DOCK3: variants seen among roughly 807,000 people sequenced by gnomAD.
DOCK3 encodes the protein dedicator of cytokinesis protein 3.
In DOCK3, 60 loss-of-function variants were observed where a neutral mutation model predicts 265.6. The observed-to-expected ratio is 0.23, with a 90% CI of 0.18 to 0.28. The LOEUF (loss-of-function observed/expected upper bound fraction) is 0.28, where lower values mean the gene tolerates loss of function less well. Ranked by LOEUF, DOCK3 falls within the 10% of genes least tolerant of loss-of-function variation. DOCK3 has a pLI of 1.00. For missense variants in DOCK3, 1,981 were observed against 2,594.3 expected (o/e 0.76, Z 5.14); for synonymous variants, 881 against 938.0 (o/e 0.94, Z 1.11).
chr3:51,092,358 T>A (rs2082671291), intron 9 of DOCK3, among the ~76,000 whole-genome samples: 1 of 152,106 alleles, frequency 6.6e-6, no homozygotes, highest in South Asian at 2.1e-4. Flanking sequence ...TACTGAGGCT[T>A]GAGTAGGTGG....
At chr3:50,917,869 C>A (rs1425468995) in intron 4 of DOCK3, among the ~76,000 whole-genome samples, 4 of 152,028 alleles carry the variant, frequency 2.6e-5, no homozygotes, top group Admixed American at 1.3e-4. Context: ...ATTAACTCAT[C>A]ATTTACATTA....
intron 40 of DOCK3, among the ~76,000 whole-genome samples, chr3:51,351,527 T>G (rs1485983582): frequency 6.6e-6 from 1 of 152,184 alleles, no homozygotes; most frequent in East Asian, 1.9e-4. Flanking sequence ...GGAAAAACGA[T>G]CTGTGTGAGC....
chr3:50,956,931 C>T (rs1333296544), intron 5 of DOCK3, among the ~76,000 whole-genome samples: 2 of 152,098 alleles, frequency 1.3e-5, no homozygotes, highest in Admixed American at 6.5e-5. Flanking sequence ...GACGCCATTT[C>T]GGCTCACTGC....
intron 1 of DOCK3, among the ~76,000 whole-genome samples, chr3:50,741,903 T>C (rs1480626212): frequency 6.6e-6 from 1 of 152,114 alleles, no homozygotes; most frequent in Non-Finnish European, 1.5e-5. Context: ...AGTGTAAAAG[T>C]GTTCCTATTT....
chr3:51,015,993 TAATATATATATCATATATTTCTAC>T (rs2079184902), intron 5 of DOCK3, among the ~76,000 whole-genome samples: 1 of 12,458 alleles, frequency 8.0e-5, no homozygotes, highest in Non-Finnish European at 1.2e-4. Context: ...TATTTCTACA[TAATATATATATCATATATTTCTAC>T]ATAATATATA....
chr3:51,350,065 G>T (rs574725894), intron 39 of DOCK3, among the ~76,000 whole-genome samples: 19 of 152,304 alleles, frequency 1.2e-4, no homozygotes, highest in Non-Finnish European at 2.1e-4. Context: ...CAGTGGGCAG[G>T]CCTGTCCCCA....
chr3:51,173,216 G>A (rs934543666), intron 12 of DOCK3, among the ~76,000 whole-genome samples: 1 of 152,136 alleles, frequency 6.6e-6, no homozygotes, highest in African/African-American at 2.4e-5. Context: ...GACCTCCTGG[G>A]TTCAAGTGAT....
intron 35 of DOCK3, among the ~76,000 whole-genome samples, chr3:51,336,308 G>A (rs2084868409): frequency 6.6e-6 from 1 of 151,550 alleles, no homozygotes; most frequent in Non-Finnish European, 1.5e-5. Context: ...TATTTCCCAG[G>A]TTAGGAAGCA....
intron 1 of DOCK3, among the ~76,000 whole-genome samples, chr3:50,699,450 G>A: frequency 9.9e-6 from 1 of 101,504 alleles, no homozygotes; most frequent in East Asian, 3.2e-4. Context: ...AATGTTGTTG[G>A]GCATTTTTTT....
At chr3:50,924,433 G>A (rs1468128506) in intron 4 of DOCK3, among the ~76,000 whole-genome samples, 2 of 152,212 alleles carry the variant, frequency 1.3e-5, no homozygotes, top group Non-Finnish European at 2.9e-5. Context: ...TAATCTGTGA[G>A]TGTCAGCTCC....
At chr3:50,685,003 A>G (rs116736602) in intron 1 of DOCK3, among the ~76,000 whole-genome samples, 13 of 151,676 alleles carry the variant, frequency 8.6e-5, no homozygotes, top group Admixed American at 2.0e-4. Context: ...CCCTTTCAAC[A>G]TATTGTCATA....
chr3:51,115,103 A>G (rs2083677400), intron 9 of DOCK3, among the ~76,000 whole-genome samples: 1 of 152,162 alleles, frequency 6.6e-6, no homozygotes, highest in South Asian at 2.1e-4. Flanking sequence ...TGCAATAAAC[A>G]TATGTGTGCA....
intron 26 of DOCK3, among the ~76,000 whole-genome samples, chr3:51,279,371 C>A (rs549328135): frequency 2.0e-5 from 3 of 152,288 alleles, no homozygotes; most frequent in African/African-American, 7.2e-5. Flanking sequence ...AGTAAATGTT[C>A]TCCCTCCCTT....
chr3:50,971,943 C>T (rs1182548726), intron 5 of DOCK3, among the ~76,000 whole-genome samples: 2 of 152,224 alleles, frequency 1.3e-5, no homozygotes, highest in East Asian at 3.9e-4. Context: ...GCTGCCCCAG[C>T]TCCATGACCT....
intron 5 of DOCK3, among the ~76,000 whole-genome samples, chr3:50,974,412 C>G (rs1490328793): frequency 6.6e-6 from 1 of 151,978 alleles, no homozygotes. Flanking sequence ...TTCCCCATTG[C>G]TTGTTTTTCT....
intron 49 of DOCK3, among the ~76,000 whole-genome samples, chr3:51,363,756 A>G (rs1363316704): frequency 6.6e-6 from 1 of 152,110 alleles, no homozygotes; most frequent in East Asian, 1.9e-4. Flanking sequence ...CTGTCCTTGC[A>G]ATAGTTTGCT....
intron 9 of DOCK3, among the ~76,000 whole-genome samples, chr3:51,143,836 A>G (rs541416922): frequency 1.9e-4 from 29 of 152,286 alleles, no homozygotes; most frequent in African/African-American, 6.0e-4. Flanking sequence ...TAATTTATGT[A>G]AAGTCTAATT....
chr3:51,198,305 G>C (rs753929108), intron 12 of DOCK3, among the ~76,000 whole-genome samples: 1 of 152,216 alleles, frequency 6.6e-6, no homozygotes, highest in Non-Finnish European at 1.5e-5. Flanking sequence ...TTTTCACTCT[G>C]TTCTCTTTAC....
At chr3:50,727,853 A>G (rs1364974884) in intron 1 of DOCK3, among the ~76,000 whole-genome samples, 1 of 152,234 alleles carries the variant, frequency 6.6e-6, no homozygotes, top group African/African-American at 2.4e-5. Flanking sequence ...AGACACATCT[A>G]TAATAATAGC....
Sources: allele counts gnomAD v4.1 joint callset (sites outside exome capture counted in the v4.1 genomes callset), GRCh38; gene constraint gnomAD v4.1.1; transcripts MANE v1.5; gene names NCBI Gene and HGNC (gene_info 2026-07-23, HGNC 2026-07-21).